Variants in CACNA2D3 observed in about 807,000 individuals in gnomAD.
CACNA2D3 encodes the protein voltage-dependent calcium channel subunit alpha-2/delta-3.
CACNA2D3 carries 60 observed loss-of-function variants against 160.6 expected under a neutral mutation model. The observed-to-expected ratio is 0.37, with a 90% CI of 0.30 to 0.46. The LOEUF (loss-of-function observed/expected upper bound fraction) is 0.46, where lower values mean the gene tolerates loss of function less well. CACNA2D3 is among the 20% of genes least tolerant of loss of function. The pLI, the probability that CACNA2D3 is intolerant of heterozygous loss-of-function variation, is 1.00. For missense variants in CACNA2D3, 1,205 were observed against 1,365.0 expected (o/e 0.88, Z 1.85); for synonymous variants, 558 against 492.9 (o/e 1.13, Z -1.75).
At chr3:55,050,155 G>A (rs1394148250) in intron 35 of CACNA2D3, among the ~76,000 whole-genome samples, 1 of 150,726 alleles carries the variant, frequency 6.6e-6, no homozygotes, top group Non-Finnish European at 1.5e-5. Flanking sequence ...TTTGATGTTA[G>A]CTGGTTATTT....
chr3:54,286,312 TG>T (rs1703025214), intron 2 of CACNA2D3, among the ~76,000 whole-genome samples: 1 of 152,072 alleles, frequency 6.6e-6, no homozygotes, highest in Non-Finnish European at 1.5e-5. Context: ...TGCGATCAAC[TG>T]GAAGAAAGGG....
chr3:54,623,172 G>A (rs1018903402), intron 9 of CACNA2D3, among the ~76,000 whole-genome samples: 1 of 140,490 alleles, frequency 7.1e-6, no homozygotes, highest in South Asian at 2.3e-4. Flanking sequence ...GGCATGCCCG[G>A]ATCTAGGGGC....
chr3:54,717,592 GCATA>G (rs1442204087), intron 11 of CACNA2D3, among the ~76,000 whole-genome samples: 2 of 139,460 alleles, frequency 1.4e-5, no homozygotes, highest in Non-Finnish European at 3.1e-5. Flanking sequence ...GCGTGTGTGT[GCATA>G]CATTCGTGTG....
chr3:54,669,389 C>G (rs1165567444), intron 11 of CACNA2D3, among the ~76,000 whole-genome samples: 1 of 152,172 alleles, frequency 6.6e-6, no homozygotes, highest in East Asian at 1.9e-4. Flanking sequence ...AGCATAAAAT[C>G]TCTAATACCT....
At chr3:54,659,855 C>G (rs1699936386) in intron 11 of CACNA2D3, among the ~76,000 whole-genome samples, 2 of 152,164 alleles carry the variant, frequency 1.3e-5, no homozygotes, top group Admixed American at 1.3e-4. Flanking sequence ...TAGTGCCTGG[C>G]ACAGTGCTAG....
intron 3 of CACNA2D3, among the ~76,000 whole-genome samples, chr3:54,354,034 A>G (rs1189564400): frequency 2.0e-5 from 3 of 152,088 alleles, no homozygotes; most frequent in African/African-American, 7.2e-5. Context: ...TACTCTGTCA[A>G]ATATTTAAGG....
At chr3:55,030,161 TC>T (rs1180927306) in intron 35 of CACNA2D3, among the ~76,000 whole-genome samples, 4 of 152,132 alleles carry the variant, frequency 2.6e-5, no homozygotes, top group Non-Finnish European at 5.9e-5. Context: ...TCAAAATAGT[TC>T]CTGTCTCAAT....
chr3:54,470,582 C>G lies in CACNA2D3; in HGVS notation c.382-32910C>G, dbSNP rs1044632131. Among the ~76,000 whole-genome samples, 38 of 152,086 alleles carry G rather than the reference C, an allele frequency of 2.5e-4. 1 individual carries two copies. The highest frequency in any genetic ancestry group is 1.2e-4 in the Non-Finnish European group (8 of 68,018). Reference sequence around the variant, plus strand: ...ATGAAAGGATCAAATTCCTACATAACAATAATAACCTTAAATGTAAATGGG... The same window carrying G: ...ATGAAAGGATCAAATTCCTACATAAGAATAATAACCTTAAATGTAAATGGG... On this transcript the variant is annotated intron_variant, in intron 4 of 37. Coordinates refer to ENST00000474759, the MANE Select transcript of CACNA2D3 (RefSeq NM_018398.3).
intron 11 of CACNA2D3, among the ~76,000 whole-genome samples, chr3:54,689,997 AC>A (rs1700543920): frequency 6.6e-6 from 1 of 151,848 alleles, no homozygotes; most frequent in Admixed American, 6.6e-5. Flanking sequence ...CAACCTCCTT[AC>A]AACTCCTGAG....
At chr3:54,736,392 TA>T (rs1701533157) in intron 11 of CACNA2D3, among the ~76,000 whole-genome samples, 1 of 152,092 alleles carries the variant, frequency 6.6e-6, no homozygotes, top group African/African-American at 2.4e-5. Context: ...TTCTTTCTGC[TA>T]AATCTTCATT....
chr3:54,577,243 AGTGAAGAGTTCT>A lies in CACNA2D3; in HGVS notation c.889-4556_889-4545del, dbSNP rs1291527522. ...GTAATATTCAGTGAGCAAATAAAGA[AGTGAAGAGTTCT>A]GTGGCAGATGCCTTCCTGCGTGGGG... is the stretch of plus-strand genomic sequence containing the variant. On this transcript the variant is annotated intron_variant, in intron 8 of 37. Coordinates refer to ENST00000474759, the MANE Select transcript of CACNA2D3 (RefSeq NM_018398.3). Among the ~76,000 whole-genome samples the A allele has an allele frequency of 9.6e-4, 146 of 152,296 alleles. 2 individuals carry two copies. Among genetic ancestry groups the A allele is most frequent in the Non-Finnish European group, 2.2e-4 (15 of 68,020 alleles).
At chr3:54,377,782 T>C (rs1306588908) in intron 3 of CACNA2D3, among the ~76,000 whole-genome samples, 1 of 152,196 alleles carries the variant, frequency 6.6e-6, no homozygotes, top group Non-Finnish European at 1.5e-5. Flanking sequence ...CTCAGTTATC[T>C]ATTTATTGGG....
intron 27 of CACNA2D3, among the ~76,000 whole-genome samples, chr3:54,951,641 G>C (rs1261195774): frequency 1.3e-5 from 2 of 151,488 alleles, no homozygotes; most frequent in Non-Finnish European, 2.9e-5. Flanking sequence ...GGCGTGCAGG[G>C]CTCCAGTCCC....
At chr3:54,766,242 T>C (rs1244556791) in intron 13 of CACNA2D3, among the ~76,000 whole-genome samples, 1 of 152,004 alleles carries the variant, frequency 6.6e-6, no homozygotes, top group Non-Finnish European at 1.5e-5. Flanking sequence ...ACATGAAGAA[T>C]TAATAATCTC....
rs552219715 is a variant in CACNA2D3, at chr3:54,668,202, C to T, written c.1167+25961C>T. On this transcript the variant is annotated intron_variant, in intron 11 of 37. Coordinates refer to ENST00000474759, the MANE Select transcript of CACNA2D3 (RefSeq NM_018398.3). ...CTTAAATATTAGTAAGAAGTTAGACCTAATTTTAAAAATTGGGTTAATCAG... is the reference window on the plus strand; with the variant it reads ...CTTAAATATTAGTAAGAAGTTAGACTTAATTTTAAAAATTGGGTTAATCAG... Among the ~76,000 whole-genome samples, 7 of 152,228 alleles carry T rather than the reference C, an allele frequency of 4.6e-5. No homozygotes were observed. In the South Asian group the frequency reaches 1.4e-3, roughly 32 times the overall value.
At chr3:54,161,959 C>G (rs897728815) in intron 2 of CACNA2D3, among the ~76,000 whole-genome samples, 1 of 152,150 alleles carries the variant, frequency 6.6e-6, no homozygotes, top group Non-Finnish European at 1.5e-5. Flanking sequence ...CATTCCTGGT[C>G]TTTGCCATTT....
chr3:54,171,834 T>C (rs1332651577), intron 2 of CACNA2D3, among the ~76,000 whole-genome samples: 1 of 152,200 alleles, frequency 6.6e-6, no homozygotes, highest in Non-Finnish European at 1.5e-5. Flanking sequence ...CCCATGTCTG[T>C]CTGCCTGCTC....
chr3:54,574,662 C>T (rs1222134193), intron 8 of CACNA2D3, among the ~76,000 whole-genome samples: 1 of 152,200 alleles, frequency 6.6e-6, no homozygotes, highest in Non-Finnish European at 1.5e-5. Flanking sequence ...TTCTGATTCA[C>T]TTTGAAGTCT....
intron 11 of CACNA2D3, among the ~76,000 whole-genome samples, chr3:54,718,504 G>GT (rs989673353): frequency 1.1e-4 from 17 of 149,144 alleles, no homozygotes; most frequent in South Asian, 2.1e-4. Flanking sequence ...TAAAAATTAG[G>GT]TTTTTTTTTT....
Sources: gnomAD v4.1 joint callset for allele counts (sites outside exome capture counted in the v4.1 genomes callset) on GRCh38, gnomAD v4.1.1 for gene constraint, MANE v1.5 for transcripts, NCBI Gene and HGNC (gene_info 2026-07-23, HGNC 2026-07-21) for gene names.